Variants in RGS12 observed in about 807,000 individuals in gnomAD.
RGS12 encodes the protein regulator of G protein signaling 12.
Under a neutral mutation model 120.1 loss-of-function variants are expected in RGS12, and 66 were observed. The observed-to-expected ratio is 0.55, with a 90% confidence interval of 0.45 to 0.67. The LOEUF is 0.67. Among genes scored for constraint, RGS12 ranks in the 30% least tolerant of loss-of-function variants. The pLI is 0.00. For missense variants in RGS12, 1,859 were observed against 1,957.7 expected (o/e 0.95, Z 0.95); for synonymous variants, 827 against 804.7 (o/e 1.03, Z -0.47).
At chr4:3,396,408 C>A (rs1174391861) in intron 4 of RGS12, among the ~76,000 whole-genome samples, 3 of 152,112 alleles carry the variant, frequency 2.0e-5, no homozygotes, top group Admixed American at 1.3e-4. Context: ...TTTGTTTTAT[C>A]TTCAATATTT....
rs979148579 is a variant in RGS12, at chr4:3,430,442, A to G, written c.3601A>G (p.Arg1201Gly). ...FELISKAQSN[R>G]ADDQRGLLRK... ...GCTTATTTCCAAAGCTCAGAGCAAC[A>G]GAGCAGATGACCAACGTGGGCTGCT... Residue 1201 changes from arginine to glycine, a missense_variant, in exon 17 of 18, where the codon AGA (arginine) becomes GGA (glycine). This residue lies in a region of RGS12 where 517 missense variants were observed against 488.5 expected (regional missense o/e 1.06). Transcript: ENST00000336727. 9 of 1,613,670 alleles carry G rather than the reference A, an allele frequency of 5.6e-6. No homozygotes were observed. The highest frequency in any genetic ancestry group is 6.8e-6 in the Non-Finnish European group (8 of 1,179,918).
At chr4:3,336,988 T>A (rs1262947913) in intron 2 of RGS12, among the ~76,000 whole-genome samples, 1 of 150,546 alleles carries the variant, frequency 6.6e-6, no homozygotes, top group East Asian at 1.9e-4. Flanking sequence ...AGTGTGAAAC[T>A]GTGAAGTAGA....
intron 3 of RGS12, among the ~76,000 whole-genome samples, chr4:3,356,889 CCATTCTTTT>C (rs1714945101): frequency 6.6e-6 from 1 of 152,094 alleles, no homozygotes; most frequent in Non-Finnish European, 1.5e-5. Flanking sequence ...TTCCTGCTTC[CCATTCTTTT>C]GGGCATATCC....
chr4:3,293,183 C>A (rs1723141136), intron 1 of RGS12, 84 bp downstream of exon 1: 1 of 146,058 alleles, frequency 6.8e-6, no homozygotes, highest in Admixed American at 6.8e-5. Context: ...CGCGCCCGCG[C>A]CCTCCGCCTC....
chr4:3,291,693 C>G (rs955438855), upstream of RGS12, among the ~76,000 whole-genome samples: 11 of 152,272 alleles, frequency 7.2e-5, no homozygotes, highest in East Asian at 2.1e-3. Flanking sequence ...GGCTGTGTCC[C>G]TTGGCCATAG....
Position 3,386,416 on chromosome 4 carries a change from T to TCTGCAACTGTGTCTGATGG in RGS12, c.2001_2019dup (p.Glu674CysfsTer5). ...CATGTCTCTCTCTCTTTTCTTTCAG[T>TCTGCAACTGTGTCTGATGG]CTGCAACTGTGTCTGATGGCGGTAA... On this transcript the variant is annotated frameshift_variant and splice_region_variant, in exon 4 of 18. Coordinates refer to ENST00000336727, the MANE Select transcript of RGS12 (RefSeq NM_001394154.1). LOFTEE classifies it high-confidence loss of function. 1 of 1,612,522 alleles carries TCTGCAACTGTGTCTGATGG rather than the reference T, an allele frequency of 6.2e-7. No homozygotes were observed.
chr4:3,360,788 G>T (rs759844645), intron 3 of RGS12, among the ~76,000 whole-genome samples: 1 of 152,142 alleles, frequency 6.6e-6, no homozygotes, highest in African/African-American at 2.4e-5. Context: ...AGGACAGTGC[G>T]GCTAACCCAC....
intron 16 of RGS12, 74 bp downstream of exon 16, chr4:3,428,785 C>A: frequency 7.6e-7 from 1 of 1,324,194 alleles, no homozygotes; most frequent in Non-Finnish European, 1.0e-6. Flanking sequence ...AGTAGATCTG[C>A]TTTGAGCTGT....
At chr4:3,349,495 A>G (rs968440578) in intron 3 of RGS12, among the ~76,000 whole-genome samples, 5 of 152,298 alleles carry the variant, frequency 3.3e-5, no homozygotes, top group Admixed American at 2.0e-4. Context: ...TGCTTTCTAA[A>G]TCCATATTTT....
rs559145412 is a variant in RGS12 at position 3,437,368 on chromosome 4, C to T, written c.4115-2087C>T. Among the ~76,000 whole-genome samples, 10 of 152,288 alleles carry T rather than the reference C, an allele frequency of 6.6e-5. No homozygotes were observed. In the South Asian group the frequency reaches 1.0e-3, roughly 16 times the overall value. On this transcript the variant is annotated intron_variant, in intron 17 of 17. Transcript: ENST00000336727. ...CTCCCATCTGTCCATGTGGGGCTGG[C>T]GGGGTAGAGCCGGGCTTCTGGACAT...
At chr4:3,361,589 G>A (rs1178498767) in intron 3 of RGS12, among the ~76,000 whole-genome samples, 1 of 152,178 alleles carries the variant, frequency 6.6e-6, no homozygotes, top group Admixed American at 6.5e-5. Context: ...GATGGAAACC[G>A]AGGGCATGAA....
chr4:3,354,274 A>G (rs1040290481), intron 3 of RGS12, among the ~76,000 whole-genome samples: 2 of 152,192 alleles, frequency 1.3e-5, no homozygotes, highest in Admixed American at 6.5e-5. Context: ...CACCTTTACA[A>G]GTCCTGAGTG....
At chr4:3,403,989 G>A (rs1051731297) in intron 4 of RGS12, among the ~76,000 whole-genome samples, 2 of 152,210 alleles carry the variant, frequency 1.3e-5, no homozygotes, top group African/African-American at 4.8e-5. Context: ...TATGGGCTGT[G>A]GCAGCCCTCC....
chr4:3,308,646 G>A (rs956560083), intron 1 of RGS12, among the ~76,000 whole-genome samples: 2 of 152,226 alleles, frequency 1.3e-5, no homozygotes, highest in Non-Finnish European at 2.9e-5. Context: ...TAGGTGTCTG[G>A]TGGCAGATTC....
intron 11 of RGS12, 47 bp from the exon 12 acceptor site, chr4:3,422,858 G>T: frequency 6.5e-7 from 1 of 1,545,520 alleles, no homozygotes; most frequent in Non-Finnish European, 8.9e-7. Context: ...TGCGTTTGGG[G>T]GGCTGCCTGC....
chr4:3,339,114 C>T (rs1017805511), intron 2 of RGS12, among the ~76,000 whole-genome samples: 43 of 152,144 alleles, frequency 2.8e-4, no homozygotes, highest in African/African-American at 1.0e-3. Flanking sequence ...TGTGGGCAGG[C>T]GTCAGACATC....
Position 3,430,653 on chromosome 4 carries a change from C to G in RGS12, c.3812C>G (p.Pro1271Arg). 6.3e-7 allele frequency: 1 copy of G among 1,596,168 alleles called. No homozygotes were observed. Among genetic ancestry groups the G allele is most frequent in the Non-Finnish European group, 8.5e-7 (1 of 1,170,574 alleles). The change falls in exon 17 of 18, where the codon CCG becomes CGG. Residue 1271 changes from proline to arginine, a missense_variant. By Grantham distance (103) the Pro-to-Arg change is moderately radical. Coordinates refer to ENST00000336727, the MANE Select transcript of RGS12 (RefSeq NM_001394154.1). ...WEPVQESSDSPSTSPGSASSP... is the reference protein window; with the variant it reads ...WEPVQESSDSRSTSPGSASSP... The stretch of plus-strand genomic sequence containing the variant: ...CCAGTCCAGGAGAGCAGCGACAGCC[C>G]GTCCACCAGCCCGGGCTCAGCCTCC...
At chr4:3,388,882 T>G (rs1234166742) in intron 4 of RGS12, among the ~76,000 whole-genome samples, 1 of 152,192 alleles carries the variant, frequency 6.6e-6, no homozygotes, top group Admixed American at 6.5e-5. Flanking sequence ...CACCCCAGTG[T>G]TTTTATGGGA....
chr4:3,334,549 T>G (rs768874854), intron 2 of RGS12, among the ~76,000 whole-genome samples: 1 of 152,224 alleles, frequency 6.6e-6, no homozygotes, highest in Non-Finnish European at 1.5e-5. Context: ...AAAAAATTAA[T>G]GGTAGAACTT....
Sources: allele counts gnomAD v4.1 joint callset (sites outside exome capture counted in the v4.1 genomes callset), GRCh38; gene constraint gnomAD v4.1.1; regional missense constraint gnomAD v4.1.1; transcripts MANE v1.5; gene names NCBI Gene and HGNC (gene_info 2026-07-23, HGNC 2026-07-21).